Variants in TIAM2 observed in about 807,000 individuals in gnomAD.
TIAM2 encodes the protein rho guanine nucleotide exchange factor TIAM2.
TIAM2 carries 80 observed loss-of-function variants against 152.9 expected under a neutral mutation model. The ratio of observed to expected loss-of-function variants is 0.52; its 90% CI spans 0.44 to 0.63. The LOEUF (loss-of-function observed/expected upper bound fraction) is 0.63, where lower values mean the gene tolerates loss of function less well. Ranked by LOEUF, TIAM2 falls within the 30% of genes least tolerant of loss-of-function variation. The pLI, the probability that TIAM2 is intolerant of heterozygous loss-of-function variation, is 0.00. For synonymous variants in TIAM2, 804 were observed against 838.0 expected (o/e 0.96, Z 0.70); for missense variants, 1,965 against 2,120.1 (o/e 0.93, Z 1.44).
At chr6:155,216,852 A>G in intron 15 of TIAM2, 1 of 1,132,946 alleles carries the variant, frequency 8.8e-7, no homozygotes, top group Non-Finnish European at 1.1e-6. Flanking sequence ...ATGGGTGGAA[A>G]CAGAGCAGGG....
intron 14 of TIAM2, among the ~76,000 whole-genome samples, chr6:155,193,512 C>T (rs1781260604): frequency 6.6e-6 from 1 of 152,220 alleles, no homozygotes; most frequent in Admixed American, 6.5e-5. Context: ...TGAATTATAT[C>T]TACCAATACC....
intron 1 of TIAM2, among the ~76,000 whole-genome samples, chr6:155,046,114 C>T (rs990578603): frequency 7.9e-5 from 12 of 151,964 alleles, no homozygotes; most frequent in Non-Finnish European, 1.5e-4. Flanking sequence ...AGGCTTCCCA[C>T]CTCCCGAGGT....
chr6:155,085,756 C>T (rs1778159439), intron 1 of TIAM2, among the ~76,000 whole-genome samples: 1 of 152,172 alleles, frequency 6.6e-6, no homozygotes, highest in African/African-American at 2.4e-5. Context: ...CAGGCAGCTC[C>T]AAGGCTGCGG....
chr6:155,199,643 A>G (rs1356205217), intron 14 of TIAM2, among the ~76,000 whole-genome samples: 5 of 152,208 alleles, frequency 3.3e-5, no homozygotes, highest in East Asian at 1.9e-4. Context: ...TGAAGTGACA[A>G]TATAAGAACT....
intron 14 of TIAM2, among the ~76,000 whole-genome samples, chr6:155,202,792 CT>C (rs1445583406): frequency 6.7e-6 from 1 of 149,630 alleles, no homozygotes; most frequent in Non-Finnish European, 1.5e-5. Context: ...AATCCCAGCA[CT>C]TTGGGAGGCT....
chr6:155,187,573 C>CCCTGTTTTTTTTTTTTTTTTTTT (rs1189509294), intron 14 of TIAM2, among the ~76,000 whole-genome samples: 1 of 49,614 alleles, frequency 2.0e-5, no homozygotes, highest in Non-Finnish European at 3.7e-5. Flanking sequence ...ACCCCGCCCC[C>CCCTGTTTTTTTTTTTTTTTTTTT]TTTTTTTTTT....
At chr6:155,036,458 C>T (rs1279688583) in intron 1 of TIAM2, among the ~76,000 whole-genome samples, 10 of 146,460 alleles carry the variant, frequency 6.8e-5, no homozygotes, top group South Asian at 2.2e-4. Flanking sequence ...CACTTGAACC[C>T]GGGAGGTGGA....
intron 2 of TIAM2, among the ~76,000 whole-genome samples, chr6:155,110,842 T>C (rs1778830981): frequency 6.6e-6 from 1 of 152,216 alleles, no homozygotes; most frequent in Non-Finnish European, 1.5e-5. Flanking sequence ...GCTCCACAGA[T>C]AATGTCAGGA....
intron 2 of TIAM2, among the ~76,000 whole-genome samples, chr6:155,125,426 A>G (rs2115031249): frequency 6.6e-6 from 1 of 152,354 alleles, no homozygotes; most frequent in African/African-American, 2.4e-5. Flanking sequence ...ACTGCTGTCG[A>G]AAAACAGAAA....
chr6:155,047,722 AGAGCGAG>A (rs1777226308), intron 1 of TIAM2, among the ~76,000 whole-genome samples: 2 of 128,568 alleles, frequency 1.6e-5, no homozygotes, highest in Non-Finnish European at 3.2e-5. Flanking sequence ...AGAGAGAGAG[AGAGCGAG>A]AGAGAGAGAG....
At chr6:155,003,173 C>G (rs1778342614) in intron 1 of TIAM2, among the ~76,000 whole-genome samples, 1 of 152,088 alleles carries the variant, frequency 6.6e-6, no homozygotes, top group Non-Finnish European at 1.5e-5. Context: ...TGGACTTTAT[C>G]AATAACAAAG....
chr6:155,114,014 T>TTATA (rs1212954021), intron 2 of TIAM2, among the ~76,000 whole-genome samples: 916 of 58,804 alleles, frequency 0.016, 55 homozygotes, highest in East Asian at 0.041. Flanking sequence ...ATACTTTACT[T>TTATA]TATATATATA....
At chr6:155,139,145 A>G (rs969978786) in intron 5 of TIAM2, among the ~76,000 whole-genome samples, 3 of 152,196 alleles carry the variant, frequency 2.0e-5, no homozygotes, top group Admixed American at 6.5e-5. Context: ...AACATCTGCA[A>G]ATACTACGTG....
chr6:155,221,331 C>T (rs1782038126), intron 15 of TIAM2, among the ~76,000 whole-genome samples: 1 of 152,162 alleles, frequency 6.6e-6, no homozygotes, highest in Admixed American at 6.5e-5. Flanking sequence ...GATAATGACA[C>T]TCCCGTTCCT....
chr6:155,093,599 G>T (rs771467448), intron 2 of TIAM2, among the ~76,000 whole-genome samples: 12 of 152,232 alleles, frequency 7.9e-5, no homozygotes, highest in Non-Finnish European at 2.9e-5. Flanking sequence ...TGGGTTTCAC[G>T]TGAGGAAGAC....
intron 14 of TIAM2, among the ~76,000 whole-genome samples, chr6:155,193,395 C>T (rs1381375572): frequency 3.3e-5 from 4 of 119,734 alleles, no homozygotes; most frequent in Admixed American, 2.5e-4. Flanking sequence ...CAGAGCGAGA[C>T]CTTGTCTCAA....
intron 14 of TIAM2, among the ~76,000 whole-genome samples, chr6:155,206,798 G>T (rs560486992): frequency 1.1e-4 from 16 of 152,272 alleles, no homozygotes; most frequent in Admixed American, 9.1e-4. Flanking sequence ...GCCCCAAACT[G>T]TTAATTTCCA....
chr6:155,104,040 A>C (rs917099376), intron 2 of TIAM2, among the ~76,000 whole-genome samples: 6,366 of 56,712 alleles, frequency 0.11, 242 homozygotes, highest in Admixed American at 0.21. Context: ...ACACACACAC[A>C]CCCCCCCCCC....
chr6:155,074,611 G>A (rs1230522694), intron 1 of TIAM2, among the ~76,000 whole-genome samples: 1 of 152,160 alleles, frequency 6.6e-6, no homozygotes, highest in East Asian at 1.9e-4. Flanking sequence ...GCCTCCCAAA[G>A]TGCTGGGATT....
Sources: gnomAD v4.1 joint callset for allele counts (sites outside exome capture counted in the v4.1 genomes callset) on GRCh38, gnomAD v4.1.1 for gene constraint, MANE v1.5 for transcripts, NCBI Gene and HGNC (gene_info 2026-07-23, HGNC 2026-07-21) for gene names.